ALKAL2: variants seen among roughly 807,000 people sequenced by gnomAD.
ALKAL2 encodes the protein AUG-alpha.
Under a neutral mutation model 18.5 loss-of-function variants are expected in ALKAL2, and 8 were observed. The observed-to-expected ratio is 0.43, with a 90% CI of 0.25 to 0.78. The LOEUF is 0.78. Ranked by LOEUF, ALKAL2 falls within the 30% of genes least tolerant of loss-of-function variation. ALKAL2 has a pLI of 0.22. For synonymous variants in ALKAL2, 135 were observed against 95.8 expected, an observed-to-expected ratio of 1.41 and a Z score of -2.39; for missense variants, 241 against 211.2, an observed-to-expected ratio of 1.14 and a Z score of -0.88.
chr2:287,549 G>A, intron 2 of ALKAL2, 34 bp downstream of exon 2: 1 of 1,343,434 alleles, frequency 7.4e-7, no homozygotes, highest in Non-Finnish European at 9.5e-7. Flanking sequence ...TTTCCCAGCA[G>A]CCCCGGCCCT....
chr2:280,425 C>T (rs1670304281), intron 5 of ALKAL2, among the ~76,000 whole-genome samples: 1 of 152,206 alleles, frequency 6.6e-6, no homozygotes, highest in Admixed American at 6.5e-5. Context: ...AGTGCTTAGT[C>T]TTACATGTGC....
chr2:287,725 C>T lies in ALKAL2; in HGVS notation c.111G>A (p.Leu37=), dbSNP rs1465909810. 1 of 1,463,800 alleles carries T rather than the reference C, an allele frequency of 6.8e-7. No individual in the cohort carries two copies. The allele number at this position is 1,463,800 out of a possible 1,614,324, so 90.7% of individuals were successfully genotyped here. Residue 37 remains leucine, a synonymous_variant, in exon 2 of 6, where the codon CTG becomes CTA. Transcript: ENST00000403610. Reference sequence around the variant, plus strand: ...GGACGAGTTCCACCACCAGCCGCAGCAGCGCCTGTCCGTCCGCCGGCTCCC... The same window carrying T: ...GGACGAGTTCCACCACCAGCCGCAGTAGCGCCTGTCCGTCCGCCGGCTCCC... ...EPREPADGQA[L]LRLVVELVQE...
At chr2:285,296 G>T (rs558137431) in intron 4 of ALKAL2, among the ~76,000 whole-genome samples, 1 of 152,274 alleles carries the variant, frequency 6.6e-6, no homozygotes, top group South Asian at 2.1e-4. Context: ...TTGGCTTTTC[G>T]TTTGTTTGTT....
In ALKAL2 at chr2:286,352, G is replaced by C. The variant is rs1480107363; in HGVS notation, c.254-9C>G. Reference sequence around the variant, plus strand: ...ATCTCGAGGAACAATTTCTGTTTCAGGGAAAAGAAAGTATTATATTACCTG... The same window carrying C: ...ATCTCGAGGAACAATTTCTGTTTCACGGAAAAGAAAGTATTATATTACCTG... On this transcript the variant is annotated splice_polypyrimidine_tract_variant and intron_variant, in intron 2 of 5. Transcript: ENST00000403610. 2.5e-6 allele frequency: 4 copies of C among 1,604,432 alleles called. No homozygotes were observed. In the East Asian group the frequency reaches 8.9e-5, roughly 36 times the overall value.
chr2:281,996 A>G (rs1175146731), intron 5 of ALKAL2, among the ~76,000 whole-genome samples: 6 of 152,272 alleles, frequency 3.9e-5, no homozygotes, highest in Admixed American at 3.3e-4. Flanking sequence ...CACCTTCACT[A>G]TCTCCAAAGA....
chr2:280,226 C>T (rs955062315), intron 5 of ALKAL2, 74 bp from the exon 6 acceptor site: 2 of 1,520,828 alleles, frequency 1.3e-6, no homozygotes, highest in East Asian at 4.5e-5. Flanking sequence ...CCTGTCACTT[C>T]AGTTAGGGGA....
At chr2:282,253 C>A (rs772558833) in intron 5 of ALKAL2, among the ~76,000 whole-genome samples, 7 of 152,216 alleles carry the variant, frequency 4.6e-5, no homozygotes, top group Admixed American at 2.0e-4. Flanking sequence ...TAGGAAAGAG[C>A]ACTACCCTAC....
Position 288,029 on chromosome 2 carries a change from G to T in ALKAL2, c.-74C>A. On this transcript the variant is annotated 5_prime_UTR_variant, in exon 1 of 6. Transcript: ENST00000403610. ...GCCCCTCACCTCCGCGGACCCCGAG[G>T]AACAAGCCGGCAGGTGAGGGAGCCG... The T allele has an allele frequency of 8.2e-7, 1 of 1,221,408 alleles. No homozygotes were observed. The highest frequency in any genetic ancestry group is 3.9e-5 in the South Asian group (1 of 25,440). The allele number at this position is 1,221,408 out of a possible 1,614,324, so 75.7% of individuals were successfully genotyped here. A position where few individuals can be genotyped will look rare whatever the true frequency, so the allele number is the denominator to read the frequency against.
intron 5 of ALKAL2, among the ~76,000 whole-genome samples, chr2:282,046 G>A (rs961542121): frequency 2.6e-5 from 4 of 152,094 alleles, no homozygotes; most frequent in South Asian, 2.1e-4. Flanking sequence ...GTCTCAACCC[G>A]CCATTACCCA....
At chr2:287,954 G>T in intron 1 of ALKAL2, 59 bp downstream of exon 1, 1 of 1,232,262 alleles carries the variant, frequency 8.1e-7, no homozygotes, top group Non-Finnish European at 1.0e-6. Context: ...GACGGAGCGC[G>T]GGGCGGGGGA....
chr2:285,632 G>A (rs996266106), intron 4 of ALKAL2, among the ~76,000 whole-genome samples: 2 of 152,230 alleles, frequency 1.3e-5, no homozygotes, highest in African/African-American at 4.8e-5. Context: ...GATAAGGGCA[G>A]CTCTGCATTT....
At chr2:281,143 G>A (rs1336807382) in intron 5 of ALKAL2, among the ~76,000 whole-genome samples, 3 of 152,248 alleles carry the variant, frequency 2.0e-5, no homozygotes, top group Non-Finnish European at 4.4e-5. Flanking sequence ...GTAAGAGTTT[G>A]CTGTTGCTGT....
At chr2:285,944 G>T (rs1670493452) in intron 4 of ALKAL2, 179 bp downstream of exon 4, 3 of 577,308 alleles carry the variant, frequency 5.2e-6, no homozygotes, top group Non-Finnish European at 9.1e-6. Context: ...GGCGTTAGCT[G>T]ATGCAGAAGT....
chr2:281,850 C>CATCT (rs1333177662), intron 5 of ALKAL2, among the ~76,000 whole-genome samples: 1 of 151,792 alleles, frequency 6.6e-6, no homozygotes, highest in Non-Finnish European at 1.5e-5. Flanking sequence ...CAGGAATGTA[C>CATCT]ATCTGTTCAC....
intron 4 of ALKAL2, chr2:283,706 A>C (rs1008181507): frequency 4.4e-5 from 20 of 454,016 alleles, no homozygotes; most frequent in Non-Finnish European, 5.8e-5. Context: ...GGTATCGTAC[A>C]CAGTCTCCCA....
intron 4 of ALKAL2, among the ~76,000 whole-genome samples, chr2:285,169 G>C (rs909804116): frequency 6.6e-6 from 1 of 152,198 alleles, no homozygotes; most frequent in African/African-American, 2.4e-5. Flanking sequence ...TACTTCAGTG[G>C]GCCAAGGTTC....
intron 5 of ALKAL2, among the ~76,000 whole-genome samples, chr2:281,773 T>A (rs1480990240): frequency 1.3e-5 from 2 of 151,772 alleles, no homozygotes; most frequent in East Asian, 3.9e-4. Flanking sequence ...ACACTGTGTT[T>A]AATTATAAAG....
intron 4 of ALKAL2, among the ~76,000 whole-genome samples, chr2:285,071 C>A (rs1170705824): frequency 1.3e-5 from 2 of 152,088 alleles, no homozygotes; most frequent in Non-Finnish European, 2.9e-5. Context: ...TCAGAGGGGC[C>A]GAGGCTGCGT....
chr2:286,951 G>A (rs934431417), intron 2 of ALKAL2: 1 of 152,174 alleles, frequency 6.6e-6, no homozygotes. Flanking sequence ...ACAGTGGGTG[G>A]GGAGAACCCT....
Sources: gnomAD v4.1 joint callset for allele counts (sites outside exome capture counted in the v4.1 genomes callset) on GRCh38, gnomAD v4.1.1 for gene constraint, MANE v1.5 for transcripts, NCBI Gene and HGNC (gene_info 2026-07-23, HGNC 2026-07-21) for gene names.